The following PTK6 variants were observed in gnomAD, a reference collection of about 807,000 sequenced individuals.
PTK6 encodes protein tyrosine kinase 6.
In PTK6, 47 loss-of-function variants were observed where a neutral mutation model predicts 47.5. That is an observed-to-expected ratio of 0.99 (90% CI 0.78 to 1.26). The LOEUF (loss-of-function observed/expected upper bound fraction) is 1.26. Ranked by LOEUF, PTK6 falls within the 50% of genes most tolerant of loss-of-function variation. The pLI is 0.00. For missense variants in PTK6, 618 were observed against 625.3 expected, an observed-to-expected ratio of 0.99 and a Z score of 0.12; for synonymous variants, 287 against 276.5, an observed-to-expected ratio of 1.04 and a Z score of -0.38.
Position 63,533,902 on chromosome 20 carries a change from G to A in PTK6, c.517-198C>T, listed in dbSNP as rs547386904. 1.4e-4 allele frequency among the ~76,000 whole-genome samples: 21 copies of A among 152,268 alleles called. No homozygotes were observed. The highest frequency in any genetic ancestry group is 1.2e-3 in the South Asian group (6 of 4,826). On this transcript the variant is annotated intron_variant, in intron 3 of 7. Transcript: ENST00000542869. This position sits in a 1 kb window ranked among gnomAD's most constrained non-coding sequence, Gnocchi z 4.0. ...CCAGCATGAAACACCCAGACAGACCGGAGCCAGGACCCTGCAGAGTGCCGC... is the reference window on the plus strand; with the variant it reads ...CCAGCATGAAACACCCAGACAGACCAGAGCCAGGACCCTGCAGAGTGCCGC...
Position 63,534,238 on chromosome 20 carries a change from A to G in PTK6, c.430T>C (p.Ser144Pro). ...ACAAGCTCGGGCAGGCTGAGGAAGG[A>G]CACCGCCTCGTTCAGGTGCAGCCGG... is the stretch of plus-strand genomic sequence containing the variant. ...GGRLHLNEAV[S>P]FLSLPELVNY... The change falls in exon 3 of 8, where the codon TCC (serine) becomes CCC (proline). Residue 144 changes from serine to proline, a missense_variant. Physicochemically the swap from Ser to Pro is moderately conservative, Grantham distance 74. Transcript: ENST00000542869. The G allele has an allele frequency of 6.2e-7, 1 of 1,606,016 alleles. No homozygotes were observed. Among genetic ancestry groups the G allele is most frequent in the South Asian group, 1.1e-5 (1 of 89,608 alleles).
intron 5 of PTK6, among the ~76,000 whole-genome samples, chr20:63,531,650 T>A (rs1265903692): frequency 6.7e-6 from 1 of 148,670 alleles, no homozygotes; most frequent in African/African-American, 2.5e-5. Context: ...CAGTTCCTAG[T>A]GGTCTAGCCC....
chr20:63,535,032 C>A lies in PTK6; in HGVS notation c.258G>T (p.Ser86=), dbSNP rs148880395. Residue 86 remains serine (S), a synonymous_variant, in exon 2 of 8, where the codon TCG becomes TCT. Coordinates refer to ENST00000542869, the MANE Select transcript of PTK6 (RefSeq NM_005975.4). ...EPWFFGCISR[S]EAVRRLQAEG... is the part of the protein sequence containing the mutation. ...CGGCCTGCAGCCGACGCACAGCTTC[C>A]GAGCGGGAGATGCAGCCAAAGAACC... 1 of 1,605,678 alleles carries A rather than the reference C, an allele frequency of 6.2e-7. No individual in the cohort carries two copies.
chr20:63,534,782 G>C, intron 2 of PTK6, 156 bp downstream of exon 2: 1 of 1,167,438 alleles, frequency 8.6e-7, no homozygotes. Flanking sequence ...GCCCCAGGGA[G>C]GAGCGGGCCA....
Position 63,528,765 on chromosome 20 carries a change from T to G in PTK6, c.*771A>C, listed in dbSNP as rs534284975. 6.6e-6 allele frequency: 1 copy of G among 152,148 alleles called. No individual in the cohort carries two copies. The highest frequency in any genetic ancestry group is 2.4e-5 in the African/African-American group (1 of 41,498). The allele number at this position is 152,148 out of a possible 1,614,324, so 9.4% of individuals were successfully genotyped here. ...TCAGGTGAGTCAAAACCAAAACCAA[T>G]AAGCTTTTTATGACTTAACCATGGA... is the stretch of plus-strand genomic sequence containing the variant. On this transcript the variant is annotated 3_prime_UTR_variant, in exon 8 of 8. Transcript: ENST00000542869.
Position 63,529,555 on chromosome 20 carries a change from C to G in PTK6, c.1337G>C (p.Ser446Thr). Residue 446 changes from serine to threonine, a missense_variant, in exon 8 of 8, where the codon AGC becomes ACC. Transcript: ENST00000542869. The surrounding 1 kb of genome is among the most constrained non-coding windows in gnomAD (Gnocchi z 5.6). ...AGCAGCTCAGGTCGGGTTCTCGTAGCTGGTGAAGCTGGAGAGCCTCTCCCG... is the reference window on the plus strand; with the variant it reads ...AGCAGCTCAGGTCGGGTTCTCGTAGGTGGTGAAGCTGGAGAGCCTCTCCCG... ...ALRERLSSFTSYENPT is the reference protein window; with the variant it reads ...ALRERLSSFTTYENPT The G allele has an allele frequency of 6.4e-7, 1 of 1,572,434 alleles. No individual in the cohort carries two copies. Among genetic ancestry groups the G allele is most frequent in the Non-Finnish European group, 8.6e-7 (1 of 1,159,014 alleles).
intron 3 of PTK6, 54 bp downstream of exon 3, chr20:63,534,098 G>A: frequency 2.0e-6 from 3 of 1,481,614 alleles, no homozygotes; most frequent in South Asian, 1.3e-5. Context: ...GGAAATGCCA[G>A]CCTGTGACCC....
In PTK6 at chr20:63,534,160, A is replaced by G; in HGVS notation, c.508T>C (p.Cys170Arg). ...CAGGGCGGAGCGGCTACCTTCCGGC[A>G]GGGCGCGGCCAGCCGCAGGCCGTGG... ...LSHGLRLAAP[C>R]RKHEPEPLPH... Residue 170 changes from cysteine to arginine, a missense_variant, in exon 3 of 8, where the codon TGC becomes CGC. Coordinates refer to ENST00000542869, the MANE Select transcript of PTK6 (RefSeq NM_005975.4). The G allele has an allele frequency of 6.4e-7, 1 of 1,551,102 alleles. No individual in the cohort carries two copies. The highest frequency in any genetic ancestry group is 8.7e-7 in the Non-Finnish European group (1 of 1,148,694).
chr20:63,529,671 G>A lies in PTK6; in HGVS notation c.1221C>T (p.Pro407=). The A allele has an allele frequency of 6.5e-7, 1 of 1,547,000 alleles. No individual in the cohort carries two copies. The highest frequency in any genetic ancestry group is 8.7e-7 in the Non-Finnish European group (1 of 1,145,990). The change falls in exon 8 of 8, where the codon CCC becomes CCT. Residue 407 remains proline, a synonymous_variant. Transcript: ENST00000542869. The surrounding 1 kb of genome is among the most constrained non-coding windows in gnomAD (Gnocchi z 5.6). ...FLRVDAGYRM[P]CPLECPPSVH... ...CGCTGGGCGGGCACTCCAGAGGGCA[G>A]GGCATGCGGTAGCCGGCGTCCACCC...
At chr20:63,532,450 TGG>T (rs11086169) in intron 5 of PTK6, 74 bp downstream of exon 5, 155,932 of 1,315,290 alleles carry the variant, frequency 0.12, 9,052 homozygotes, top group Non-Finnish European at 0.13. Flanking sequence ...TGTGTAGACG[TGG>T]GGGGGGGGTG....
chr20:63,530,305 C>A lies in PTK6; in HGVS notation c.1015-74G>T. The A allele has an allele frequency of 6.4e-7, 1 of 1,560,870 alleles. No individual in the cohort carries two copies. The highest frequency in any genetic ancestry group is 8.8e-7 in the Non-Finnish European group (1 of 1,142,656). ...GCCCCCGAAGCATGGACGGGCACAG[C>A]GGCCGCATTGCCCCAGCAGTGGGAC... On this transcript the variant is annotated intron_variant, in intron 6 of 7. Transcript: ENST00000542869. This position sits in a 1 kb window ranked among gnomAD's most constrained non-coding sequence, Gnocchi z 4.1.
rs2082639810 is a variant in PTK6, at chr20:63,533,299, C to T, written c.670+252G>A. ...GCCAGGCTGGTCTCAAACTCCTGAC[C>T]TCGTGATCCGCCCACCTTGGCTTCC... On this transcript the variant is annotated intron_variant, in intron 4 of 7. Transcript: ENST00000542869. This position sits in a 1 kb window ranked among gnomAD's most constrained non-coding sequence, Gnocchi z 4.0. Among the ~76,000 whole-genome samples, 1 of 152,186 alleles carries T rather than the reference C, an allele frequency of 6.6e-6. No homozygotes were observed. The highest frequency in any genetic ancestry group is 2.4e-5 in the African/African-American group (1 of 41,442).
chr20:63,533,567 A>C lies in PTK6; in HGVS notation c.654T>G (p.Ile218Met). 1 of 1,611,676 alleles carries C rather than the reference A, an allele frequency of 6.2e-7. No individual in the cohort carries two copies. Among genetic ancestry groups the C allele is most frequent in the Admixed American group, 1.7e-5 (1 of 59,760 alleles). ...GLWKDRVQVA[I>M]KVISRDNLLH... ...CCCACTCACCTCGAGAAATCACCTT[A>C]ATGGCCACCTGGACCCGGTCTTTCC... is the stretch of plus-strand genomic sequence containing the variant. The change falls in exon 4 of 8, where the codon ATT (isoleucine) becomes ATG (methionine). Residue 218 changes from isoleucine to methionine, a missense_variant. By Grantham distance (10) the Ile-to-Met change is conservative. Coordinates refer to ENST00000542869, the MANE Select transcript of PTK6 (RefSeq NM_005975.4). The surrounding 1 kb of genome is among the most constrained non-coding windows in gnomAD (Gnocchi z 4.0).
chr20:63,533,585 G>T lies in PTK6; in HGVS notation c.636C>A (p.Asp212Glu), dbSNP rs765826183. ...FGEVFEGLWK[D>E]RVQVAIKVIS... ...TCACCTTAATGGCCACCTGGACCCG[G>T]TCTTTCCAGAGCCCCTCGAAGACCT... Residue 212 changes from aspartate to glutamate, a missense_variant, in exon 4 of 8, where the codon GAC (aspartate) becomes GAA (glutamate). Transcript: ENST00000542869. The surrounding 1 kb of genome is among the most constrained non-coding windows in gnomAD (Gnocchi z 4.0). 12 of 1,613,026 alleles carry T rather than the reference G, an allele frequency of 7.4e-6. No homozygotes were observed. The African/African-American group carries it at 1.1e-4, about 14-fold the overall frequency.
At position 63,533,664 on chromosome 20, in the gene PTK6, C is replaced by T; in HGVS notation, c.557G>A (p.Arg186Lys). 6.2e-7 allele frequency: 1 copy of T among 1,613,894 alleles called. No homozygotes were observed. Among genetic ancestry groups the T allele is most frequent in the Non-Finnish European group, 8.5e-7 (1 of 1,179,958 alleles). ...GCAGAGCGTGAACTCCTCCCTCGGC[C>T]TCTCCCAGTCATCCCAATGGGGCAG... ...EPLPHWDDWE[R>K]PREEFTLCRK... Residue 186 changes from arginine (R) to lysine (K), a missense_variant, in exon 4 of 8, where the codon AGG becomes AAG. Transcript: ENST00000542869. The surrounding 1 kb of genome is among the most constrained non-coding windows in gnomAD (Gnocchi z 4.0).
intron 1 of PTK6, 121 bp from the exon 2 acceptor site, chr20:63,535,180 C>G: frequency 7.4e-7 from 1 of 1,358,274 alleles, no homozygotes; most frequent in East Asian, 2.5e-5. Context: ...AGCTCCCAGC[C>G]CTGACCACAG....
rs1363488177 is a variant in PTK6 at position 63,535,077 on chromosome 20, G to C, written c.231-18C>G. The C allele has an allele frequency of 6.3e-7, 1 of 1,583,118 alleles. No homozygotes were observed. Among genetic ancestry groups the C allele is most frequent in the African/African-American group, 1.3e-5 (1 of 74,530 alleles). On this transcript the variant is annotated intron_variant, in intron 1 of 7. Transcript: ENST00000542869. Reference sequence around the variant, plus strand: ...AGAACCACCTGCAGGGGAGGAGTCTGAGAACACGCGGACCTGGGCCCACCC... The same window carrying C: ...AGAACCACCTGCAGGGGAGGAGTCTCAGAACACGCGGACCTGGGCCCACCC...
chr20:63,535,004 C>T lies in PTK6; in HGVS notation c.286G>A (p.Gly96Ser). Residue 96 changes from glycine (G) to serine (S), a missense_variant, in exon 2 of 8, where the codon GGC becomes AGC. Physicochemically the swap from Gly to Ser is moderately conservative, Grantham distance 56 (BLOSUM62 0). Transcript: ENST00000542869. ...SEAVRRLQAE[G>S]NATGAFLIRV... ...ATCAGGAAGGCGCCCGTGGCGTTGC[C>T]CTCGGCCTGCAGCCGACGCACAGCT... is the stretch of plus-strand genomic sequence containing the variant. 5 of 1,608,918 alleles carry T rather than the reference C, an allele frequency of 3.1e-6. No individual in the cohort carries two copies. Among genetic ancestry groups the T allele is most frequent in the Non-Finnish European group, 4.2e-6 (5 of 1,177,696 alleles).
At chr20:63,537,011 G>A in intron 1 of PTK6, 74 bp downstream of exon 1, 1 of 1,467,696 alleles carries the variant, frequency 6.8e-7, no homozygotes, top group Non-Finnish European at 9.2e-7. Flanking sequence ...TCCCTGAGCA[G>A]CCCAGAGCCC....
Sources: gnomAD v4.1 joint callset for allele counts (sites outside exome capture counted in the v4.1 genomes callset) on GRCh38, gnomAD v4.1.1 for gene constraint, Gnocchi (gnomAD v3.1) non-coding constraint, MANE v1.5 for transcripts, NCBI Gene and HGNC (gene_info 2026-07-23, HGNC 2026-07-21) for gene names.